The following CACYBP variants were observed in gnomAD, a reference collection of about 807,000 sequenced individuals.
CACYBP encodes the protein calcyclin binding protein.
In CACYBP, 11 loss-of-function variants were observed where a neutral mutation model predicts 29.6. The observed-to-expected ratio is 0.37, with a 90% CI of 0.23 to 0.61. The LOEUF (loss-of-function observed/expected upper bound fraction) is 0.61. Ranked by LOEUF, CACYBP falls within the 20% of genes least tolerant of loss-of-function variation. The pLI is 0.65. For synonymous variants in CACYBP, 73 were observed against 88.3 expected, an observed-to-expected ratio of 0.83 and a Z score of 0.97; for missense variants, 163 against 260.7, an observed-to-expected ratio of 0.63 and a Z score of 2.58.
At chr1:175,000,218 C>T (rs558987623) in intron 1 of CACYBP, 23 bp downstream of exon 1, 7 of 1,598,826 alleles carry the variant, frequency 4.4e-6, no homozygotes, top group South Asian at 2.2e-5. Context: ...GCCCCATATT[C>T]CTTATGCCCC....
At position 175,004,891 on chromosome 1, in the gene CACYBP, G is replaced by A. The variant is rs760739517; in HGVS notation, c.235+58G>A. Reference sequence around the variant, plus strand: ...TCCGAGCAACCTATTCCTCATAGTGGTCTAACAAATTCATCCCCAATGAGT... The same window carrying A: ...TCCGAGCAACCTATTCCTCATAGTGATCTAACAAATTCATCCCCAATGAGT... On this transcript the variant is annotated intron_variant, in intron 2 of 5. Coordinates refer to ENST00000367679, the MANE Select transcript of CACYBP (RefSeq NM_014412.3). 5.5e-6 allele frequency: 6 copies of A among 1,097,388 alleles called. No individual in the cohort carries two copies. In the East Asian group the frequency reaches 1.2e-4, roughly 22 times the overall value. 68.0% of individuals were successfully genotyped at this position (1,097,388 alleles called of 1,614,324 possible). A position where few individuals can be genotyped will look rare whatever the true frequency, so the allele number is the denominator to read the frequency against.
chr1:175,005,785 G>C (rs1489662831), intron 2 of CACYBP, among the ~76,000 whole-genome samples: 1 of 152,126 alleles, frequency 6.6e-6, no homozygotes. Flanking sequence ...TTGTGTTGAG[G>C]GAGAAACTTG....
chr1:175,009,378 G>A (rs1386266263), intron 5 of CACYBP, among the ~76,000 whole-genome samples: 1 of 152,116 alleles, frequency 6.6e-6, no homozygotes, highest in Non-Finnish European at 1.5e-5. Flanking sequence ...AGGTGGGGTG[G>A]CTCACGCCTG....
At chr1:175,009,854 A>T in intron 5 of CACYBP, 69 bp from the exon 6 acceptor site, 1 of 1,282,512 alleles carries the variant, frequency 7.8e-7, no homozygotes, top group Non-Finnish European at 1.1e-6. Context: ...TGCCAGTGTT[A>T]ACAACCTGAA....
At position 175,000,083 on chromosome 1, in the gene CACYBP, G is replaced by C; in HGVS notation, c.-98G>C. ...CAGGCTGCAGCGCCGCGACTCGTGC[G>C]GGTAGGCGTCTGCGCTCGGTTTGAG... On this transcript the variant is annotated 5_prime_UTR_variant, in exon 1 of 6. Coordinates refer to ENST00000367679, the MANE Select transcript of CACYBP (RefSeq NM_014412.3). 1 of 1,491,736 alleles carries C rather than the reference G, an allele frequency of 6.7e-7. No individual in the cohort carries two copies. Among genetic ancestry groups the C allele is most frequent in the African/African-American group, 1.4e-5 (1 of 71,688 alleles). The allele number at this position is 1,491,736 out of a possible 1,614,324, so 92.4% of individuals were successfully genotyped here. A position where few individuals can be genotyped will look rare whatever the true frequency, so the allele number is the denominator to read the frequency against.
chr1:175,007,111 T>C lies in CACYBP; in HGVS notation c.346T>C (p.Leu116=), dbSNP rs539831859. 6.9e-6 allele frequency: 11 copies of C among 1,603,040 alleles called. No homozygotes were observed. The highest frequency in any genetic ancestry group is 1.8e-4 in the Middle Eastern group (1 of 5,574). The stretch of plus-strand genomic sequence containing the variant: ...ATTGTGTTGCAGGTCATTTGATCTT[T>C]TGGTAAAGAATCTAAATGGGAAGAG... ...VHFTERSFDL[L]VKNLNGKSYS... The change falls in exon 4 of 6, where the codon TTG becomes CTG. Residue 116 remains leucine (L), a synonymous_variant. Transcript: ENST00000367679.
intron 1 of CACYBP, chr1:175,000,557 G>C: frequency 1.7e-6 from 2 of 1,178,140 alleles, no homozygotes; most frequent in Non-Finnish European, 2.1e-6. Flanking sequence ...AGCAAAGCTG[G>C]GTGCAAACAT....
At position 174,999,950 on chromosome 1, in the gene CACYBP, G is replaced by A. The variant is rs528821623; in HGVS notation, c.-231G>A. On this transcript the variant is annotated 5_prime_UTR_variant, in exon 1 of 6. Transcript: ENST00000367679. ...AAGGGTGGGTGGAGCCAGGCTTGGCGGGCTGTGCGTGCTCGCGGTGGGCGG... is the reference window on the plus strand; with the variant it reads ...AAGGGTGGGTGGAGCCAGGCTTGGCAGGCTGTGCGTGCTCGCGGTGGGCGG... The A allele has an allele frequency of 1.3e-5, 8 of 594,614 alleles. No individual in the cohort carries two copies. Among genetic ancestry groups the A allele is most frequent in the African/African-American group, 2.0e-5 (1 of 49,988 alleles). The allele number at this position is 594,614 out of a possible 1,614,324, so 36.8% of individuals were successfully genotyped here.
Position 175,009,921 on chromosome 1 carries a change from A to AG in CACYBP, c.531dup. 1.9e-6 allele frequency: 3 copies of AG among 1,601,930 alleles called. No individual in the cohort carries two copies. The highest frequency in any genetic ancestry group is 2.6e-6 in the Non-Finnish European group (3 of 1,175,600). ...ATTGTTGTATATGTTTTCTTTTTAA[A>AG]GGAAGCCCTCCTATGACACTGAAAC... On this transcript the variant is annotated splice_acceptor_variant, in intron 5 of 5. Transcript: ENST00000367679. LOFTEE classifies it high-confidence loss of function.
intron 2 of CACYBP, 46 bp from the exon 3 acceptor site, chr1:175,006,699 A>G (rs778614243): frequency 8.6e-6 from 8 of 931,854 alleles, no homozygotes; most frequent in East Asian, 4.8e-5. Context: ...TTCTAAAGAT[A>G]GTTTCAGAGG....
intron 1 of CACYBP, chr1:175,000,633 A>G (rs1574106138): frequency 3.9e-6 from 4 of 1,029,496 alleles, no homozygotes; most frequent in Admixed American, 1.2e-4. Context: ...GAATTCTCCT[A>G]GTCAGGTTTT....
rs201531530 is a variant in CACYBP at position 175,007,175 on chromosome 1, C to G, written c.410C>G (p.Ser137Cys). The part of the protein sequence containing the change: ...MIVNNLLKPI[S>C]VEGSSKKVKT... ...GTGAACAATCTCTTGAAACCCATCT[C>G]TGTGGAAGGCAGTTCAAAAAAAGTG... Residue 137 changes from serine (S) to cysteine (C), a missense_variant, in exon 4 of 6, where the codon TCT becomes TGT. Ser to Cys is a moderately radical substitution (Grantham distance 112). Coordinates refer to ENST00000367679, the MANE Select transcript of CACYBP (RefSeq NM_014412.3). 29 of 1,608,268 alleles carry G rather than the reference C, an allele frequency of 1.8e-5. No individual in the cohort carries two copies. Among genetic ancestry groups the G allele is most frequent in the Non-Finnish European group, 2.4e-5 (28 of 1,175,856 alleles).
chr1:175,000,014 G>A lies in CACYBP; in HGVS notation c.-167G>A. On this transcript the variant is annotated 5_prime_UTR_variant, in exon 1 of 6. In the 5' UTR this introduces an upstream ATG that the reference lacks. Transcript: ENST00000367679. Reference sequence around the variant, plus strand: ...CTCGCGAAGGTTCGAGATCCGTCGCGTGCGGGAGGCGGGCCGCGATCTTGC... The same window carrying A: ...CTCGCGAAGGTTCGAGATCCGTCGCATGCGGGAGGCGGGCCGCGATCTTGC... The A allele has an allele frequency of 9.2e-6, 9 of 975,822 alleles. No individual in the cohort carries two copies. Among genetic ancestry groups the A allele is most frequent in the Non-Finnish European group, 1.4e-5 (9 of 644,644 alleles). 60.4% of individuals were successfully genotyped at this position (975,822 alleles called of 1,614,324 possible).
intron 1 of CACYBP, 115 bp from the exon 2 acceptor site, chr1:175,004,499 T>G (rs1218490968): frequency 3.2e-6 from 2 of 623,488 alleles, no homozygotes; most frequent in Non-Finnish European, 5.4e-6. Context: ...CTAGAAAATT[T>G]AGATGAACTT....
At chr1:175,001,886 C>T (rs1018069551) in intron 1 of CACYBP, among the ~76,000 whole-genome samples, 1 of 152,118 alleles carries the variant, frequency 6.6e-6, no homozygotes, top group South Asian at 2.1e-4. Flanking sequence ...GGATTACAGG[C>T]GCGCGCCACC....
In CACYBP at chr1:175,010,049, G is replaced by C. The variant is rs1181913535; in HGVS notation, c.657G>C (p.Glu219Asp). The C allele has an allele frequency of 6.2e-7, 1 of 1,613,650 alleles. No individual in the cohort carries two copies. Among genetic ancestry groups the C allele is most frequent in the East Asian group, 2.2e-5 (1 of 44,866 alleles). ...ATAAAGCCTGGGTGGAATCAAGAGAGAAGCAAGCCAAAGGAGACACGGAAT... is the reference window on the plus strand; with the variant it reads ...ATAAAGCCTGGGTGGAATCAAGAGACAAGCAAGCCAAAGGAGACACGGAAT... The part of the protein sequence containing the change: ...TINKAWVESR[E>D]KQAKGDTEF Residue 219 changes from glutamate to aspartate, a missense_variant, in exon 6 of 6, where the codon GAG (glutamate) becomes GAC (aspartate). Glu to Asp is a conservative substitution (Grantham distance 45). Coordinates refer to ENST00000367679, the MANE Select transcript of CACYBP (RefSeq NM_014412.3).
chr1:175,005,606 G>A (rs1328865622), intron 2 of CACYBP, among the ~76,000 whole-genome samples: 1 of 152,092 alleles, frequency 6.6e-6, no homozygotes, highest in African/African-American at 2.4e-5. Flanking sequence ...ATAGAGAGTT[G>A]GAAGGCATGA....
chr1:175,009,987 T>C lies in CACYBP; in HGVS notation c.595T>C (p.Tyr199His). 1 of 1,613,432 alleles carries C rather than the reference T, an allele frequency of 6.2e-7. No homozygotes were observed. The highest frequency in any genetic ancestry group is 8.5e-7 in the Non-Finnish European group (1 of 1,179,412). ...ATTGATGAATGTTCTAAAGAAAATT[T>C]ATGAAGATGGAGACGATGATATGAA... Reference protein sequence around the residue: ...EGLMNVLKKIYEDGDDDMKRT... With the variant: ...EGLMNVLKKIHEDGDDDMKRT... The change falls in exon 6 of 6, where the codon TAT becomes CAT. Residue 199 changes from tyrosine to histidine, a missense_variant. Coordinates refer to ENST00000367679, the MANE Select transcript of CACYBP (RefSeq NM_014412.3).
intron 2 of CACYBP, among the ~76,000 whole-genome samples, chr1:175,005,461 C>T (rs184638407): frequency 5.9e-5 from 9 of 152,100 alleles, no homozygotes; most frequent in African/African-American, 1.9e-4. Flanking sequence ...ATGTCTAGCA[C>T]ATAATAGGTA....
Sources: gnomAD v4.1 joint callset for allele counts (sites outside exome capture counted in the v4.1 genomes callset) on GRCh38, gnomAD v4.1.1 for gene constraint, MANE v1.5 for transcripts, NCBI Gene and HGNC (gene_info 2026-07-23, HGNC 2026-07-21) for gene names.